Variants in FGF14 observed in about 807,000 individuals in gnomAD.
The protein encoded by FGF14 is fibroblast growth factor homologous factor 4.
In FGF14, 5 loss-of-function variants were observed where a neutral mutation model predicts 25.5. The observed-to-expected ratio is 0.20, with a 90% CI of 0.10 to 0.41. The LOEUF is 0.41. Among genes scored for constraint, FGF14 ranks in the 10% least tolerant of loss-of-function variants. FGF14 has a pLI of 1.00. For synonymous variants in FGF14, 138 were observed against 118.3 expected (o/e 1.17, Z -1.08); for missense variants, 222 against 320.1 (o/e 0.69, Z 2.34).
At chr13:101,933,736 A>G (rs983140402) in intron 1 of FGF14, among the ~76,000 whole-genome samples, 3 of 152,276 alleles carry the variant, frequency 2.0e-5, no homozygotes, top group East Asian at 1.9e-4. Flanking sequence ...AAAACAAACA[A>G]ACAAACAAAC....
At chr13:101,876,574 G>C (rs2045405602) in intron 1 of FGF14, among the ~76,000 whole-genome samples, 1 of 152,104 alleles carries the variant, frequency 6.6e-6, no homozygotes. Flanking sequence ...ACCTAGACTT[G>C]CTTCATAGAT....
intron 1 of FGF14, among the ~76,000 whole-genome samples, chr13:102,312,229 A>T (rs2055808188): frequency 6.6e-6 from 1 of 152,090 alleles, no homozygotes; most frequent in South Asian, 2.1e-4. Context: ...AACCAAAAAA[A>T]AAAAAAAAAA....
At chr13:101,871,488 G>A (rs2045079886) in intron 2 of FGF14, among the ~76,000 whole-genome samples, 1 of 152,088 alleles carries the variant, frequency 6.6e-6, no homozygotes, top group Admixed American at 6.6e-5. Context: ...GCCACTGAGT[G>A]ATCGAAATAT....
chr13:101,942,321 A>G (rs1339107199), intron 1 of FGF14, among the ~76,000 whole-genome samples: 1 of 152,186 alleles, frequency 6.6e-6, no homozygotes, highest in East Asian at 1.9e-4. Context: ...ATTCCCTTAG[A>G]CAGAGCAGAA....
rs1458318876 is a variant in FGF14 at position 101,720,552 on chromosome 13, G to A, written c.*2279C>T. The A allele has an allele frequency of 6.6e-6, 1 of 151,330 alleles. No individual in the cohort carries two copies. Among genetic ancestry groups the A allele is most frequent in the African/African-American group, 2.4e-5 (1 of 41,054 alleles). The allele number at this position is 151,330 out of a possible 1,614,324, so 9.4% of individuals were successfully genotyped here. A position where few individuals can be genotyped will look rare whatever the true frequency, so the allele number is the denominator to read the frequency against. ...GCTCTGTGTGTGTGTGTGTGTGTGT[G>A]TGTGTGTGTGTGTATATGTGTGTGT... On this transcript the variant is annotated 3_prime_UTR_variant, in exon 5 of 5. Coordinates refer to ENST00000376143, the MANE Select transcript of FGF14 (RefSeq NM_004115.4).
chr13:102,268,489 T>C (rs913757082), intron 1 of FGF14, among the ~76,000 whole-genome samples: 3 of 152,080 alleles, frequency 2.0e-5, no homozygotes, highest in Admixed American at 2.0e-4. Context: ...TAATACATTA[T>C]ATACATATAT....
chr13:102,200,227 A>G (rs2049554045), intron 1 of FGF14, among the ~76,000 whole-genome samples: 1 of 152,198 alleles, frequency 6.6e-6, no homozygotes. Flanking sequence ...AATCCTTGTT[A>G]TATTTATGCA....
chr13:102,281,626 C>T (rs1253989656), intron 1 of FGF14, among the ~76,000 whole-genome samples: 1 of 152,014 alleles, frequency 6.6e-6, no homozygotes, highest in Non-Finnish European at 1.5e-5. Context: ...AAACTACTCA[C>T]CTCACCTTGG....
intron 1 of FGF14, among the ~76,000 whole-genome samples, chr13:102,258,386 C>T (rs2052553875): frequency 1.3e-5 from 2 of 152,058 alleles, no homozygotes; most frequent in Admixed American, 1.3e-4. Flanking sequence ...AGGTCGCTTG[C>T]CTCCACCCCT....
chr13:102,273,553 C>T (rs1056909048), intron 1 of FGF14, among the ~76,000 whole-genome samples: 1 of 152,200 alleles, frequency 6.6e-6, no homozygotes, highest in African/African-American at 2.4e-5. Context: ...AAAATAGTTA[C>T]ATTTTCAAAC....
chr13:102,210,780 G>A (rs1318043373), intron 1 of FGF14, among the ~76,000 whole-genome samples: 1 of 152,160 alleles, frequency 6.6e-6, no homozygotes, highest in African/African-American at 2.4e-5. Flanking sequence ...TTAAAACCAC[G>A]TAGGACAGAG....
At chr13:102,041,412 T>C (rs944794430) in intron 1 of FGF14, among the ~76,000 whole-genome samples, 11 of 152,014 alleles carry the variant, frequency 7.2e-5, no homozygotes, top group Admixed American at 1.3e-4. Flanking sequence ...CTGATACATA[T>C]ATGTTTTATT....
intron 1 of FGF14, among the ~76,000 whole-genome samples, chr13:102,294,543 T>C (rs1386916895): frequency 5.3e-5 from 8 of 152,202 alleles, no homozygotes; most frequent in African/African-American, 1.9e-4. Flanking sequence ...TTCTAAATAT[T>C]AACTCCAGGG....
chr13:101,933,811 CATTA>C lies in FGF14; in HGVS notation c.209-58519_209-58516del, dbSNP rs144081032. Among the ~76,000 whole-genome samples the C allele has an allele frequency of 1.3e-4, 20 of 152,184 alleles. No homozygotes were observed. In the East Asian group the frequency reaches 3.1e-3, roughly 24 times the overall value. Reference sequence around the variant, plus strand: ...AAATTTTACATATTACTCTTTCTTACATTAATTTAGATAACCAAATATTACTCTA... The same window carrying C: ...AAATTTTACATATTACTCTTTCTTACATTTAGATAACCAAATATTACTCTA... On this transcript the variant is annotated intron_variant, in intron 1 of 4. Transcript: ENST00000376131.
At chr13:101,898,318 C>A (rs1339301442) in intron 1 of FGF14, among the ~76,000 whole-genome samples, 2 of 147,332 alleles carry the variant, frequency 1.4e-5, no homozygotes, top group East Asian at 4.0e-4. Context: ...GATACTCAAC[C>A]TGTATAAAGG....
At chr13:102,229,263 A>C (rs1464414651) in intron 1 of FGF14, among the ~76,000 whole-genome samples, 2 of 152,184 alleles carry the variant, frequency 1.3e-5, no homozygotes, top group African/African-American at 2.4e-5. Flanking sequence ...AAATCATGCA[A>C]CCAACAAGAG....
chr13:102,124,937 T>C (rs186193518), intron 1 of FGF14, among the ~76,000 whole-genome samples: 2 of 152,284 alleles, frequency 1.3e-5, no homozygotes, highest in African/African-American at 4.8e-5. Flanking sequence ...GAAATACTAT[T>C]TCACTACTCT....
intron 1 of FGF14, among the ~76,000 whole-genome samples, chr13:102,019,262 T>C (rs2040506974): frequency 6.6e-6 from 1 of 152,130 alleles, no homozygotes; most frequent in African/African-American, 2.4e-5. Context: ...TCTTGCCCTA[T>C]CAGCCAGTAG....
chr13:101,819,721 T>C (rs1262677725), intron 3 of FGF14, among the ~76,000 whole-genome samples: 1 of 152,188 alleles, frequency 6.6e-6, no homozygotes, highest in Non-Finnish European at 1.5e-5. Context: ...CCCAAAGTTA[T>C]TATAATATGG....
Sources: gnomAD v4.1 joint callset for allele counts (sites outside exome capture counted in the v4.1 genomes callset) on GRCh38, gnomAD v4.1.1 for gene constraint, MANE v1.5 for transcripts, NCBI Gene and HGNC (gene_info 2026-07-23, HGNC 2026-07-21) for gene names.